Variants in ZBTB20 observed in about 807,000 individuals in gnomAD.
The protein encoded by ZBTB20 is zinc finger and BTB domain containing 20, also known as zinc finger and BTB domain-containing protein 20.
A neutral mutation model predicts 56.9 loss-of-function variants in ZBTB20; 9 were observed. That is an observed-to-expected ratio of 0.16 (90% CI 0.10 to 0.28). ZBTB20 has a LOEUF of 0.28. Among genes scored for constraint, ZBTB20 ranks in the 10% least tolerant of loss-of-function variants. The pLI is 1.00. For synonymous variants in ZBTB20, 417 were observed against 420.7 expected (o/e 0.99, Z 0.11); for missense variants, 655 against 1,003.0 (o/e 0.65, Z 4.69).
At chr3:114,692,285 TG>T (rs2062744032) in intron 6 of ZBTB20, among the ~76,000 whole-genome samples, 1 of 151,802 alleles carries the variant, frequency 6.6e-6, no homozygotes, top group African/African-American at 2.4e-5. Flanking sequence ...AGCGTGGGAG[TG>T]GGGAGGGAGG....
intron 4 of ZBTB20, among the ~76,000 whole-genome samples, chr3:114,868,517 C>T (rs1234146829): frequency 1.3e-5 from 2 of 152,162 alleles, no homozygotes; most frequent in African/African-American, 2.4e-5. Context: ...ACCTTCACTA[C>T]CTACCCAAAT....
chr3:114,381,934 TG>T lies in ZBTB20; in HGVS notation c.-153-995del, dbSNP rs2084401161. Among the ~76,000 whole-genome samples the T allele has an allele frequency of 2.6e-5, 4 of 152,240 alleles. No individual in the cohort carries two copies. The South Asian group carries it at 8.3e-4, about 32-fold the overall frequency. ...AAGACCTTATCAATTGATTTTTGAA[TG>T]GTGACTATGGGAGTAACCCCCAAAT... On this transcript the variant is annotated intron_variant, in intron 8 of 11. Coordinates refer to ENST00000675478, the MANE Select transcript of ZBTB20 (RefSeq NM_001348800.3).
chr3:114,907,286 A>T (rs530217020), intron 3 of ZBTB20, among the ~76,000 whole-genome samples: 1 of 151,884 alleles, frequency 6.6e-6, no homozygotes, highest in Non-Finnish European at 1.5e-5. Flanking sequence ...AAAAACTGGT[A>T]CCAAAAATAC....
intron 4 of ZBTB20, among the ~76,000 whole-genome samples, chr3:114,847,238 A>C (rs2074752208): frequency 2.0e-5 from 3 of 151,910 alleles, no homozygotes; most frequent in African/African-American, 7.2e-5. Context: ...CTCCAGGGAT[A>C]CCGTCATTAC....
intron 2 of ZBTB20, among the ~76,000 whole-genome samples, chr3:115,017,155 T>G (rs957377057): frequency 6.6e-5 from 10 of 151,516 alleles, no homozygotes; most frequent in African/African-American, 2.4e-4. Context: ...CCCAAAACCT[T>G]CTTAAGCTGA....
intron 7 of ZBTB20, among the ~76,000 whole-genome samples, chr3:114,449,159 G>T (rs1286340262): frequency 6.6e-6 from 1 of 152,084 alleles, no homozygotes; most frequent in Non-Finnish European, 1.5e-5. Flanking sequence ...GAAAAGCATT[G>T]CACATCAATA....
intron 1 of ZBTB20, among the ~76,000 whole-genome samples, chr3:115,111,853 T>A (rs2083891842): frequency 6.6e-6 from 1 of 152,184 alleles, no homozygotes; most frequent in Non-Finnish European, 1.5e-5. Flanking sequence ...AGATGCTGGC[T>A]GTAAATACAG....
At position 115,026,351 on chromosome 3, in the gene ZBTB20, T is replaced by G. The variant is rs532868234; in HGVS notation, c.-507+44868A>C. ...TCATCTATAACATATAAATACCTTA[T>G]TTGCTTCAACTGTACAAATGCTGGA... On this transcript the variant is annotated intron_variant, in intron 2 of 11. Coordinates refer to ENST00000675478, the MANE Select transcript of ZBTB20 (RefSeq NM_001348800.3). Among the ~76,000 whole-genome samples, 16 of 151,152 alleles carry G rather than the reference T, an allele frequency of 1.1e-4. No individual in the cohort carries two copies. In the South Asian group the frequency reaches 3.1e-3, roughly 29 times the overall value.
At chr3:115,019,480 T>C (rs2080117074) in intron 2 of ZBTB20, among the ~76,000 whole-genome samples, 1 of 151,188 alleles carries the variant, frequency 6.6e-6, no homozygotes, top group African/African-American at 2.4e-5. Context: ...ATTATGTATA[T>C]ACAATAAAAA....
intron 4 of ZBTB20, among the ~76,000 whole-genome samples, chr3:114,875,954 C>G (rs988701718): frequency 7.9e-5 from 12 of 152,060 alleles, no homozygotes; most frequent in African/African-American, 2.9e-4. Flanking sequence ...AAATTTTAGG[C>G]TCAGTGCAGT....
At chr3:114,490,966 CT>C (rs1298436461) in intron 7 of ZBTB20, among the ~76,000 whole-genome samples, 2 of 152,202 alleles carry the variant, frequency 1.3e-5, no homozygotes, top group African/African-American at 4.8e-5. Context: ...ATTCAAGTCC[CT>C]GTTCCTGGTG....
intron 4 of ZBTB20, among the ~76,000 whole-genome samples, chr3:114,829,670 A>G (rs953787346): frequency 6.6e-6 from 1 of 151,876 alleles, no homozygotes; most frequent in African/African-American, 2.4e-5. Flanking sequence ...TAGAAGTTAC[A>G]CGGGAGATGC....
Position 115,105,215 on chromosome 3 carries a change from A to T in ZBTB20, c.-702-33801T>A, listed in dbSNP as rs1340805249. On this transcript the variant is annotated intron_variant, in intron 1 of 11. Transcript: ENST00000675478. ...ATAATAGTTATTAAAGCCAATGCTT[A>T]AGTGCTTACTATGTGTCAAGAACTG... Among the ~76,000 whole-genome samples, 3 of 147,554 alleles carry T rather than the reference A, an allele frequency of 2.0e-5. No individual in the cohort carries two copies. In the East Asian group the frequency reaches 5.8e-4, roughly 28 times the overall value.
intron 4 of ZBTB20, among the ~76,000 whole-genome samples, chr3:114,890,267 T>C (rs1243515503): frequency 6.6e-6 from 1 of 152,236 alleles, no homozygotes. Flanking sequence ...AAAATTATTG[T>C]TCTTAAATAA....
At chr3:114,484,619 G>T (rs2041905915) in intron 7 of ZBTB20, among the ~76,000 whole-genome samples, 1 of 152,212 alleles carries the variant, frequency 6.6e-6, no homozygotes, top group Admixed American at 6.5e-5. Flanking sequence ...GTCATGTGCA[G>T]GTAGATGTCC....
Position 114,350,754 on chromosome 3 carries a change from C to G in ZBTB20, c.1324G>C (p.Asp442His). Reference protein sequence around the residue: ...SPERSNEVEMDSTVITVSNSS... With the variant: ...SPERSNEVEMHSTVITVSNSS... ...TTGCTGACAGTGATAACAGTGCTGT[C>G]CATCTCCACTTCATTGCTTCTCTCC... Residue 442 changes from aspartate (D) to histidine (H), a missense_variant, in exon 11 of 12, where the codon GAC becomes CAC. Coordinates refer to ENST00000675478, the MANE Select transcript of ZBTB20 (RefSeq NM_001348800.3). 1.2e-6 allele frequency: 2 copies of G among 1,614,158 alleles called. No individual in the cohort carries two copies. The highest frequency in any genetic ancestry group is 1.7e-6 in the Non-Finnish European group (2 of 1,180,022).
intron 6 of ZBTB20, among the ~76,000 whole-genome samples, chr3:114,544,417 C>CT (rs1321139745): frequency 6.7e-4 from 16 of 23,778 alleles, no homozygotes; most frequent in African/African-American, 2.0e-3. Context: ...TTCTTTCTTT[C>CT]TTTCTTTCTT....
chr3:114,784,874 T>C (rs538096133), intron 5 of ZBTB20, among the ~76,000 whole-genome samples: 13 of 152,190 alleles, frequency 8.5e-5, no homozygotes, highest in African/African-American at 1.2e-4. Flanking sequence ...ATTATAACAA[T>C]AGCTAACAGT....
Position 114,351,387 on chromosome 3 carries a change from A to G in ZBTB20, c.691T>C (p.Tyr231His). 1.2e-6 allele frequency: 2 copies of G among 1,611,948 alleles called. No individual in the cohort carries two copies. The highest frequency in any genetic ancestry group is 8.5e-7 in the Non-Finnish European group (1 of 1,179,828). The change falls in exon 11 of 12, where the codon TAC (tyrosine) becomes CAC (histidine). Residue 231 changes from tyrosine (Y) to histidine (H), a missense_variant. By Grantham distance (83) the Tyr-to-His change is moderately conservative. Transcript: ENST00000675478. The part of the protein sequence containing the change: ...SGQSSDTESG[Y>H]LQSHPQHSVD... Reference sequence around the variant, plus strand: ...CTGTGCTGTGGGTGGCTCTGCAGGTAGCCCGACTCCGTGTCGCTGCTCTGG... The same window carrying G: ...CTGTGCTGTGGGTGGCTCTGCAGGTGGCCCGACTCCGTGTCGCTGCTCTGG...
Sources: gnomAD v4.1 joint callset for allele counts (sites outside exome capture counted in the v4.1 genomes callset) on GRCh38, gnomAD v4.1.1 for gene constraint, MANE v1.5 for transcripts, NCBI Gene and HGNC (gene_info 2026-07-23, HGNC 2026-07-21) for gene names.